Variants in WDR27 observed in about 807,000 individuals in gnomAD.
WDR27 encodes the protein WD repeat-containing protein 27.
In WDR27, 100 loss-of-function variants were observed where a neutral mutation model predicts 114.4. That is an observed-to-expected ratio of 0.87 (90% confidence interval 0.74 to 1.03). WDR27 has a LOEUF of 1.03. WDR27 is among the 50% of genes least tolerant of loss of function. The pLI is 0.00. For missense variants in WDR27, 1,129 were observed against 1,092.9 expected (o/e 1.03, Z -0.47); for synonymous variants, 449 against 423.1 (o/e 1.06, Z -0.75).
intron 6 of WDR27, chr6:169,666,784 T>A: frequency 9.9e-7 from 1 of 1,012,282 alleles, no homozygotes; most frequent in Non-Finnish European, 1.2e-6. Flanking sequence ...GACAGGGCAG[T>A]CCTGGCCCTA....
At chr6:169,695,340 T>TAC (rs1785616578) in intron 1 of WDR27, among the ~76,000 whole-genome samples, 1 of 152,182 alleles carries the variant, frequency 6.6e-6, no homozygotes, top group Non-Finnish European at 1.5e-5. Context: ...AGACCCCACT[T>TAC]ACTGAGCTGG....
intron 19 of WDR27, among the ~76,000 whole-genome samples, chr6:169,635,233 G>T (rs916073882): frequency 7.2e-5 from 11 of 152,014 alleles, no homozygotes; most frequent in Admixed American, 7.2e-4. Context: ...AGGTGTGGTT[G>T]GGGGGCAGGT....
chr6:169,653,043 C>G (rs565594456), intron 13 of WDR27, among the ~76,000 whole-genome samples: 1 of 152,360 alleles, frequency 6.6e-6, no homozygotes, highest in South Asian at 2.1e-4. Context: ...GTGCACAGAT[C>G]TCACTTCCCA....
intron 21 of WDR27, among the ~76,000 whole-genome samples, chr6:169,629,154 A>G (rs1179709401): frequency 6.6e-6 from 1 of 152,256 alleles, no homozygotes; most frequent in African/African-American, 2.4e-5. Context: ...TCTTGAAAAT[A>G]TTAGAAAATT....
At chr6:169,508,268 T>A (rs1792273339) in intron 25 of WDR27, among the ~76,000 whole-genome samples, 1 of 152,254 alleles carries the variant, frequency 6.6e-6, no homozygotes, top group African/African-American at 2.4e-5. Context: ...TAAAAATACA[T>A]TAAAATCAAG....
chr6:169,571,898 C>T (rs1801487592), intron 25 of WDR27, among the ~76,000 whole-genome samples: 4 of 152,132 alleles, frequency 2.6e-5, no homozygotes, highest in Admixed American at 6.5e-5. Flanking sequence ...GGAGGGAGAT[C>T]AACTGTCTCT....
chr6:169,655,725 GTTT>G (rs996600474), intron 13 of WDR27, among the ~76,000 whole-genome samples: 1 of 151,992 alleles, frequency 6.6e-6, no homozygotes, highest in Non-Finnish European at 1.5e-5. Flanking sequence ...AGTTTTTTTT[GTTT>G]TTATTTTTTG....
At chr6:169,511,732 A>G (rs1053827217) in intron 25 of WDR27, among the ~76,000 whole-genome samples, 8 of 152,164 alleles carry the variant, frequency 5.3e-5, no homozygotes, top group African/African-American at 1.9e-4. Flanking sequence ...TCTAGATAAT[A>G]TCTGAGTACC....
intron 23 of WDR27, among the ~76,000 whole-genome samples, chr6:169,586,549 TA>T (rs746926988): frequency 6.6e-6 from 1 of 152,032 alleles, no homozygotes; most frequent in African/African-American, 2.4e-5. Context: ...CATTGTCCAA[TA>T]TCAAAAGAAC....
chr6:169,647,901 G>A, intron 15 of WDR27, 31 bp from the exon 16 acceptor site: 5 of 1,459,478 alleles, frequency 3.4e-6, no homozygotes, highest in Non-Finnish European at 3.7e-6. Context: ...ACGGTGATCG[G>A]GAGACATTCA....
In WDR27 at chr6:169,599,675, C is replaced by T. The variant is rs138835328; in HGVS notation, c.2424+2544G>A. Among the ~76,000 whole-genome samples the T allele has an allele frequency of 3.0e-3, 451 of 152,156 alleles. 1 individual carries two copies. Among genetic ancestry groups the T allele is most frequent in the African/African-American group, 0.01 (434 of 41,506 alleles). On this transcript the variant is annotated intron_variant, in intron 23 of 25. Coordinates refer to ENST00000448612, the MANE Select transcript of WDR27 (RefSeq NM_182552.5). ...TTTTCTTCTTTATTAGTCCTGCTAG[C>T]GGTCTATCAATTTTGTTGATCTTTT...
chr6:169,623,747 G>C (rs1044452149), intron 21 of WDR27, among the ~76,000 whole-genome samples: 1 of 152,128 alleles, frequency 6.6e-6, no homozygotes, highest in Non-Finnish European at 1.5e-5. Context: ...CACATATTTT[G>C]GGGTACAGCA....
At chr6:169,497,669 C>A (rs1790585560) in intron 25 of WDR27, among the ~76,000 whole-genome samples, 1 of 152,048 alleles carries the variant, frequency 6.6e-6, no homozygotes, top group African/African-American at 2.4e-5. Context: ...CATCACTAAT[C>A]ATTTGGGAAA....
chr6:169,673,567 T>G (rs1779317575), intron 2 of WDR27, among the ~76,000 whole-genome samples: 1 of 151,410 alleles, frequency 6.6e-6, no homozygotes, highest in Non-Finnish European at 1.5e-5. Flanking sequence ...CTGAGGGAAG[T>G]GACCCCAGAT....
chr6:169,519,744 C>T (rs2128062243), intron 25 of WDR27, among the ~76,000 whole-genome samples: 1 of 152,166 alleles, frequency 6.6e-6, no homozygotes, highest in African/African-American at 2.4e-5. Context: ...TAAATATACA[C>T]ACCAATATTA....
chr6:169,578,623 TA>T (rs1802854586), intron 24 of WDR27, among the ~76,000 whole-genome samples: 3 of 152,258 alleles, frequency 2.0e-5, no homozygotes, highest in Middle Eastern at 3.4e-3. Flanking sequence ...GAACTGCATA[TA>T]AATTGATCTG....
At chr6:169,640,826 T>C (rs1254432248) in intron 17 of WDR27, among the ~76,000 whole-genome samples, 1 of 124,608 alleles carries the variant, frequency 8.0e-6, no homozygotes, top group East Asian at 3.1e-4. Flanking sequence ...ACTGCCTGGC[T>C]GCAAGAGGCC....
At position 169,607,409 on chromosome 6, in the gene WDR27, CACACACACACACACATATA is replaced by C. The variant is rs1042082662; in HGVS notation, c.2322-5107_2322-5089del. Among the ~76,000 whole-genome samples, 14 of 39,896 alleles carry C rather than the reference CACACACACACACACATATA, an allele frequency of 3.5e-4. 1 individual carries two copies. The highest frequency in any genetic ancestry group is 1.0e-3 in the Non-Finnish European group (12 of 11,462). 26.2% of individuals were successfully genotyped at this position (39,896 alleles called of 152,430 possible). On this transcript the variant is annotated intron_variant, in intron 22 of 25. Transcript: ENST00000448612. ...GTGTGTGTATACACACACACACACA[CACACACACACACACATATA>C]ATATAATATTATTCAGCCATGAAAA...
chr6:169,649,927 C>A (rs1319908297), intron 14 of WDR27, among the ~76,000 whole-genome samples: 1 of 148,436 alleles, frequency 6.7e-6, no homozygotes, highest in African/African-American at 2.5e-5. Context: ...CCCATGCAGC[C>A]ATCCCTCACC....
Sources: allele counts gnomAD v4.1 joint callset (sites outside exome capture counted in the v4.1 genomes callset), GRCh38; gene constraint gnomAD v4.1.1; transcripts MANE v1.5; gene names NCBI Gene and HGNC (gene_info 2026-07-23, HGNC 2026-07-21).